Variants in METTL15 observed in about 807,000 individuals in gnomAD.
METTL15 encodes methyltransferase 15, mitochondrial 12S rRNA N4-cytidine.
METTL15 carries 34 observed loss-of-function variants against 38.3 expected under a neutral mutation model. That is an observed-to-expected ratio of 0.89 (90% CI 0.68 to 1.18). The LOEUF (loss-of-function observed/expected upper bound fraction) is 1.18. METTL15 is among the 50% of genes most tolerant of loss of function. The pLI, the probability that METTL15 is intolerant of heterozygous loss-of-function variation, is 0.00. For missense variants in METTL15, 438 were observed against 498.4 expected (o/e 0.88, Z 1.15); for synonymous variants, 162 against 170.9 (o/e 0.95, Z 0.41).
At chr11:28,192,328 T>A (rs1441206880) in intron 3 of METTL15, among the ~76,000 whole-genome samples, 3 of 151,912 alleles carry the variant, frequency 2.0e-5, no homozygotes, top group Non-Finnish European at 2.9e-5. Context: ...AATTCCAAAA[T>A]AATAGTTGAT....
intron 5 of METTL15, among the ~76,000 whole-genome samples, chr11:28,388,496 A>C (rs1850464801): frequency 6.6e-6 from 1 of 152,182 alleles, no homozygotes; most frequent in African/African-American, 2.4e-5. Flanking sequence ...AATAAATTTA[A>C]CCAAGGAAGA....
chr11:28,381,561 T>C (rs1287638250), intron 5 of METTL15, among the ~76,000 whole-genome samples: 1 of 152,182 alleles, frequency 6.6e-6, no homozygotes, highest in East Asian at 1.9e-4. Flanking sequence ...TCTTTTTTCT[T>C]TTTTATCCTC....
intron 5 of METTL15, among the ~76,000 whole-genome samples, chr11:28,400,380 T>C (rs768360518): frequency 1.1e-4 from 16 of 151,956 alleles, no homozygotes; most frequent in Non-Finnish European, 1.9e-4. Context: ...AGGGGAGATA[T>C]GACACCTTGG....
At chr11:28,398,093 TG>T (rs1564920050) in intron 5 of METTL15, among the ~76,000 whole-genome samples, 1 of 149,770 alleles carries the variant, frequency 6.7e-6, no homozygotes, top group Non-Finnish European at 1.5e-5. Context: ...TGTTGTGGGG[TG>T]GGGGGAGGTG....
chr11:28,504,528 A>C (rs1851611496), intron 6 of METTL15, among the ~76,000 whole-genome samples: 1 of 152,224 alleles, frequency 6.6e-6, no homozygotes, highest in Admixed American at 6.5e-5. Context: ...ATTTTTTAAA[A>C]AAATATATGG....
chr11:28,232,142 G>T (rs1367760319), intron 4 of METTL15, among the ~76,000 whole-genome samples: 2 of 151,836 alleles, frequency 1.3e-5, no homozygotes, highest in Admixed American at 6.6e-5. Flanking sequence ...CTAAGTTCTA[G>T]AGAGAATTGT....
At chr11:28,373,503 G>C (rs1850269495) in intron 5 of METTL15, among the ~76,000 whole-genome samples, 1 of 152,118 alleles carries the variant, frequency 6.6e-6, no homozygotes, top group African/African-American at 2.4e-5. Flanking sequence ...GTTCATTGTA[G>C]ATTCTGGATA....
At chr11:28,260,220 T>C (rs1466600519) in intron 4 of METTL15, among the ~76,000 whole-genome samples, 1 of 152,194 alleles carries the variant, frequency 6.6e-6, no homozygotes, top group African/African-American at 2.4e-5. Context: ...CACTTAGCTC[T>C]TGTTATTCCT....
intron 5 of METTL15, among the ~76,000 whole-genome samples, chr11:28,403,463 C>T (rs1850647255): frequency 6.6e-6 from 1 of 151,992 alleles, no homozygotes; most frequent in Admixed American, 6.6e-5. Flanking sequence ...ATCAGTATCA[C>T]ACAATGATGT....
intron 6 of METTL15, among the ~76,000 whole-genome samples, chr11:28,522,781 A>G (rs1468788652): frequency 2.0e-5 from 3 of 152,224 alleles, no homozygotes; most frequent in Non-Finnish European, 4.4e-5. Flanking sequence ...GCTTGAATTA[A>G]GCAGAGTAAA....
intron 5 of METTL15, among the ~76,000 whole-genome samples, chr11:28,424,003 T>A (rs1486370492): frequency 1.3e-5 from 2 of 152,076 alleles, no homozygotes; most frequent in African/African-American, 2.4e-5. Flanking sequence ...ATAAAACTTT[T>A]TTTTAAAAAA....
At chr11:28,358,436 T>G (rs1218424683) in intron 4 of METTL15, among the ~76,000 whole-genome samples, 1 of 152,194 alleles carries the variant, frequency 6.6e-6, no homozygotes, top group African/African-American at 2.4e-5. Flanking sequence ...TAACTTTCCC[T>G]GAAGCACAAA....
chr11:28,278,196 G>T (rs926844720), intron 4 of METTL15, among the ~76,000 whole-genome samples: 1 of 152,036 alleles, frequency 6.6e-6, no homozygotes, highest in Non-Finnish European at 1.5e-5. Flanking sequence ...GAGAGAATTC[G>T]TGTGGGTGTC....
intron 6 of METTL15, among the ~76,000 whole-genome samples, chr11:28,504,550 T>A (rs1474058799): frequency 1.4e-4 from 21 of 152,164 alleles, no homozygotes; most frequent in Non-Finnish European, 5.9e-5. Flanking sequence ...CTAAATAAAA[T>A]AAACCTATGG....
At position 28,161,107 on chromosome 11, in the gene METTL15, C is replaced by CTTTTTTTTTTTTTTTTTTTTTTTTT. The variant is rs10660185; in HGVS notation, c.270+47522_270+47523insTTTTTTTTTTTTTTTTTTTTTTTTT. Reference sequence around the variant, plus strand: ...GATATAGTCAGATGTTTGCACCTTCCTTTTTTTTTTTTTTTTTTTGTTTTT... The same window carrying CTTTTTTTTTTTTTTTTTTTTTTTTT: ...GATATAGTCAGATGTTTGCACCTTCCTTTTTTTTTTTTTTTTTTTTTTTTTTTTTTTTTTTTTTTTTTTTGTTTTT... On this transcript the variant is annotated intron_variant, in intron 3 of 6. Transcript: ENST00000407364. Among the ~76,000 whole-genome samples, 20 of 131,904 alleles carry CTTTTTTTTTTTTTTTTTTTTTTTTT rather than the reference C, an allele frequency of 1.5e-4. 1 individual carries two copies. The highest frequency in any genetic ancestry group is 1.4e-4 in the Non-Finnish European group (9 of 63,344). 86.5% of individuals were successfully genotyped at this position (131,904 alleles called of 152,430 possible).
intron 4 of METTL15, among the ~76,000 whole-genome samples, chr11:28,240,970 G>C (rs1854268700): frequency 6.6e-6 from 1 of 152,084 alleles, no homozygotes; most frequent in Non-Finnish European, 1.5e-5. Flanking sequence ...TACTTTTAAA[G>C]AGCTTATATG....
chr11:28,370,378 A>G (rs1281732196), intron 5 of METTL15, among the ~76,000 whole-genome samples: 2 of 151,998 alleles, frequency 1.3e-5, no homozygotes, highest in African/African-American at 4.8e-5. Context: ...ATGTTGCTGC[A>G]AATGACAGGA....
intron 3 of METTL15, among the ~76,000 whole-genome samples, chr11:28,140,886 C>T (rs1228229141): frequency 6.6e-6 from 1 of 152,172 alleles, no homozygotes; most frequent in Non-Finnish European, 1.5e-5. Flanking sequence ...TTAGGCAAAG[C>T]TCCTGTTCAA....
intron 5 of METTL15, among the ~76,000 whole-genome samples, chr11:28,367,463 T>G (rs1850197906): frequency 6.6e-6 from 1 of 152,248 alleles, no homozygotes; most frequent in South Asian, 2.1e-4. Flanking sequence ...CAAGGAGAAC[T>G]ACAAACCACT....
Sources: gnomAD v4.1 joint callset for allele counts (sites outside exome capture counted in the v4.1 genomes callset) on GRCh38, gnomAD v4.1.1 for gene constraint, MANE v1.5 for transcripts, NCBI Gene and HGNC (gene_info 2026-07-23, HGNC 2026-07-21) for gene names.